PPP1R12A: variants seen among roughly 807,000 people sequenced by gnomAD.
The protein encoded by PPP1R12A is protein phosphatase 1 regulatory subunit 12A.
A neutral mutation model predicts 139.6 loss-of-function variants in PPP1R12A; 19 were observed. The ratio of observed to expected loss-of-function variants is 0.14; its 90% CI spans 0.09 to 0.20. The LOEUF (loss-of-function observed/expected upper bound fraction) is 0.20. PPP1R12A is among the 10% of genes least tolerant of loss of function. The probability of loss-of-function intolerance (pLI) is 1.00; values close to 1 mark genes in which losing one functional copy is unlikely to be tolerated. For missense variants in PPP1R12A, 925 were observed against 1,211.5 expected, an observed-to-expected ratio of 0.76 and a Z score of 3.51; for synonymous variants, 427 against 420.6, an observed-to-expected ratio of 1.02 and a Z score of -0.19.
At chr12:79,906,610 T>C (rs1886142084) in intron 1 of PPP1R12A, among the ~76,000 whole-genome samples, 2 of 152,016 alleles carry the variant, frequency 1.3e-5, no homozygotes, top group South Asian at 4.1e-4. Context: ...TTTATGTATG[T>C]ATGTATGTAT....
intron 1 of PPP1R12A, among the ~76,000 whole-genome samples, chr12:79,877,726 G>A (rs539751559): frequency 9.2e-5 from 14 of 152,176 alleles, no homozygotes; most frequent in African/African-American, 2.2e-4. Flanking sequence ...ATGCTGGCCC[G>A]GCTGGTCTCA....
chr12:79,917,034 C>T (rs991945618), intron 1 of PPP1R12A, among the ~76,000 whole-genome samples: 3 of 152,120 alleles, frequency 2.0e-5, no homozygotes, highest in African/African-American at 4.8e-5. Context: ...AAATAACCCC[C>T]CAAAGGGCTC....
At chr12:79,895,171 T>C (rs1339362624) in intron 1 of PPP1R12A, among the ~76,000 whole-genome samples, 2 of 151,990 alleles carry the variant, frequency 1.3e-5, no homozygotes, top group Admixed American at 6.6e-5. Flanking sequence ...CCCTGTAAAA[T>C]GTAGAGGGCT....
intron 3 of PPP1R12A, among the ~76,000 whole-genome samples, chr12:79,842,816 C>A (rs549437144): frequency 2.6e-5 from 4 of 152,210 alleles, no homozygotes; most frequent in East Asian, 3.9e-4. Context: ...CGATCCTCCC[C>A]CCTTAGCTGG....
At chr12:79,823,944 A>T (rs1876454882) in intron 5 of PPP1R12A, 1 of 152,210 alleles carries the variant, frequency 6.6e-6, no homozygotes, top group Non-Finnish European at 1.5e-5. Context: ...ATAGGTGAGT[A>T]TGTATATAAA....
Position 79,934,955 on chromosome 12 carries a change from CT to C in PPP1R12A, c.-25del. 6.4e-7 allele frequency: 1 copy of C among 1,562,256 alleles called. No homozygotes were observed. The highest frequency in any genetic ancestry group is 8.7e-7 in the Non-Finnish European group (1 of 1,151,658). On this transcript the variant is annotated 5_prime_UTR_variant, in exon 1 of 25. Transcript: ENST00000450142. ...ATCCCCTCTCCTGCCGCCGGGTCTT[CT>C]TATCGCGAGGGGGGGAAGGGGGAGG... is the stretch of plus-strand genomic sequence containing the variant.
intron 2 of PPP1R12A, among the ~76,000 whole-genome samples, chr12:79,855,074 C>T (rs539327379): frequency 3.3e-5 from 5 of 152,112 alleles, no homozygotes; most frequent in South Asian, 4.2e-4. Flanking sequence ...CTGTAAGCTC[C>T]GCCTCCCGGG....
chr12:79,902,972 T>TA (rs909068291), intron 1 of PPP1R12A, among the ~76,000 whole-genome samples: 116 of 145,966 alleles, frequency 7.9e-4, no homozygotes, highest in African/African-American at 1.8e-3. Flanking sequence ...CACAAAAGGT[T>TA]AAAAAAAAAA....
Position 79,774,198 on chromosome 12 carries a change from T to C in PPP1R12A, c.*1731A>G, listed in dbSNP as rs1183125431. On this transcript the variant is annotated 3_prime_UTR_variant, in exon 25 of 25. Coordinates refer to ENST00000450142, the MANE Select transcript of PPP1R12A (RefSeq NM_002480.3). Reference sequence around the variant, plus strand: ...AGACCTACCATTCATACAGTTCAAATATAACCAAAAATAAAACTCCCACAA... The same window carrying C: ...AGACCTACCATTCATACAGTTCAAACATAACCAAAAATAAAACTCCCACAA... 2 of 152,104 alleles carry C rather than the reference T, an allele frequency of 1.3e-5. No homozygotes were observed. The highest frequency in any genetic ancestry group is 2.9e-5 in the Non-Finnish European group (2 of 68,004). 9.4% of individuals were successfully genotyped at this position (152,104 alleles called of 1,614,324 possible).
At chr12:79,886,235 A>T (rs1397951812) in intron 1 of PPP1R12A, among the ~76,000 whole-genome samples, 1 of 152,212 alleles carries the variant, frequency 6.6e-6, no homozygotes, top group African/African-American at 2.4e-5. Context: ...AGAAAGACAA[A>T]GAAAAACTCC....
At chr12:79,933,601 G>A (rs1469870811) in intron 1 of PPP1R12A, among the ~76,000 whole-genome samples, 1 of 152,164 alleles carries the variant, frequency 6.6e-6, no homozygotes, top group African/African-American at 2.4e-5. Context: ...ATTCCAAGTT[G>A]CCCGCTAAGA....
Position 79,809,774 on chromosome 12 carries a change from C to T in PPP1R12A, c.1455+21G>A, listed in dbSNP as rs191143462. On this transcript the variant is annotated intron_variant, in intron 10 of 24. Transcript: ENST00000450142. ...GAAATCATAACAGTTTTCATAGAAA[C>T]CAGACTGTGAAATAGATTACCTTTT... 23 of 1,569,536 alleles carry T rather than the reference C, an allele frequency of 1.5e-5. 1 individual carries two copies. Among genetic ancestry groups the T allele is most frequent in the East Asian group, 4.5e-5 (2 of 44,376 alleles).
At chr12:79,782,425 C>A (rs761218113) in intron 22 of PPP1R12A, 1 of 279,374 alleles carries the variant, frequency 3.6e-6, no homozygotes, top group Non-Finnish European at 7.1e-6. Flanking sequence ...ATAAGAAATT[C>A]TAGCTGTACA....
At chr12:79,811,807 A>G (rs1874572348) in intron 9 of PPP1R12A, among the ~76,000 whole-genome samples, 2 of 152,202 alleles carry the variant, frequency 1.3e-5, no homozygotes, top group Admixed American at 1.3e-4. Flanking sequence ...CCCACCAGCC[A>G]TAGTTTGCCA....
intron 24 of PPP1R12A, chr12:79,777,662 T>A (rs1165561262): frequency 8.2e-6 from 8 of 979,978 alleles, no homozygotes; most frequent in Non-Finnish European, 9.7e-6. Flanking sequence ...TCTGCAGGAA[T>A]CAGAACATAA....
rs1291493332 is a variant in PPP1R12A, at chr12:79,820,912, C to G, written c.976G>C (p.Glu326Gln). 6.2e-7 allele frequency: 1 copy of G among 1,613,322 alleles called. No homozygotes were observed. The highest frequency in any genetic ancestry group is 1.1e-5 in the South Asian group (1 of 91,072). The part of the protein sequence containing the change: ...TFKNKETLII[E>Q]PEKNASRIES... ...ATACGGGATGCATTTTTCTCTGGTT[C>G]AATAATCAACGTCTCTTTGCTGTTA... Residue 326 changes from glutamate (E) to glutamine (Q), a missense_variant, in exon 8 of 25, where the codon GAA becomes CAA. Around this residue, in one of 4 missense-constraint regions of PPP1R12A, gnomAD observed 403 missense variants for 463.7 expected, o/e 0.87. Coordinates refer to ENST00000450142, the MANE Select transcript of PPP1R12A (RefSeq NM_002480.3).
intron 3 of PPP1R12A, among the ~76,000 whole-genome samples, chr12:79,842,967 C>T (rs1878918279): frequency 6.6e-6 from 1 of 152,122 alleles, no homozygotes; most frequent in South Asian, 2.1e-4. Context: ...CCCCTCCTTC[C>T]AGCCCCTGGC....
rs1164658900 is a variant in PPP1R12A, at chr12:79,781,897, T to C, written c.2908-35A>G. The C allele has an allele frequency of 5.1e-6, 7 of 1,374,216 alleles. No homozygotes were observed. In the African/African-American group the frequency reaches 5.8e-5, roughly 11 times the overall value. The allele number at this position is 1,374,216 out of a possible 1,614,324, so 85.1% of individuals were successfully genotyped here. ...AGTAAGAAATTATAAAAGAGATAAG[T>C]GCAAAAAAGTTCAGGGGTGACCACA... is the stretch of plus-strand genomic sequence containing the variant. On this transcript the variant is annotated intron_variant, in intron 22 of 24. Transcript: ENST00000450142.
At chr12:79,924,949 TATC>T (rs1555254685) in intron 1 of PPP1R12A, among the ~76,000 whole-genome samples, 1 of 152,130 alleles carries the variant, frequency 6.6e-6, no homozygotes, top group Non-Finnish European at 1.5e-5. Flanking sequence ...TTTTAGAAAA[TATC>T]ATGTAATCAC....
Sources: gnomAD v4.1 joint callset for allele counts (sites outside exome capture counted in the v4.1 genomes callset) on GRCh38, gnomAD v4.1.1 for gene constraint, gnomAD v4.1.1 regional missense constraint, MANE v1.5 for transcripts, NCBI Gene and HGNC (gene_info 2026-07-23, HGNC 2026-07-21) for gene names.